The following COL14A1 variants were observed in gnomAD, a reference collection of about 807,000 sequenced individuals.
COL14A1 encodes collagen alpha-1(XIV) chain.
COL14A1 carries 136 observed loss-of-function variants against 230.3 expected under a neutral mutation model. That is an observed-to-expected ratio of 0.59 (90% confidence interval 0.51 to 0.68). The LOEUF is 0.68. Among genes scored for constraint, COL14A1 ranks in the 30% least tolerant of loss-of-function variants. COL14A1 has a pLI of 0.00. For missense variants in COL14A1, 1,976 were observed against 2,215.8 expected (o/e 0.89, Z 2.17); for synonymous variants, 792 against 784.1 (o/e 1.01, Z -0.17).
At chr8:120,166,686 A>G (rs957564189) in intron 4 of COL14A1, among the ~76,000 whole-genome samples, 1 of 152,204 alleles carries the variant, frequency 6.6e-6, no homozygotes, top group Non-Finnish European at 1.5e-5. Flanking sequence ...CTATGAAAAG[A>G]TGAGAATTTT....
intron 36 of COL14A1, among the ~76,000 whole-genome samples, chr8:120,309,511 G>A (rs1009718957): frequency 6.6e-6 from 1 of 151,984 alleles, no homozygotes; most frequent in Non-Finnish European, 1.5e-5. Context: ...TAGATAATAT[G>A]GCAAAAGTTT....
intron 37 of COL14A1, 53 bp from the exon 38 acceptor site, chr8:120,313,879 A>G: frequency 9.6e-7 from 1 of 1,039,282 alleles, no homozygotes; most frequent in Non-Finnish European, 1.4e-6. Context: ...TATTTTCTAG[A>G]TGTCAGAGAG....
At chr8:120,257,342 C>T (rs1407593285) in intron 23 of COL14A1, among the ~76,000 whole-genome samples, 2 of 152,108 alleles carry the variant, frequency 1.3e-5, no homozygotes, top group Non-Finnish European at 2.9e-5. Context: ...GATTTGTGAA[C>T]AAAATTAGCC....
intron 1 of COL14A1, among the ~76,000 whole-genome samples, chr8:120,134,741 G>A (rs185962119): frequency 1.3e-4 from 20 of 152,234 alleles, no homozygotes; most frequent in African/African-American, 3.6e-4. Flanking sequence ...TTGGGAGGCC[G>A]AGGAAGTCAG....
intron 5 of COL14A1, among the ~76,000 whole-genome samples, chr8:120,183,760 C>G (rs549672287): frequency 2.0e-5 from 3 of 152,282 alleles, no homozygotes; most frequent in African/African-American, 7.2e-5. Flanking sequence ...GTTATTCATC[C>G]CAGGTCGAAT....
At chr8:120,139,662 C>G (rs1814834150) in intron 1 of COL14A1, among the ~76,000 whole-genome samples, 1 of 152,082 alleles carries the variant, frequency 6.6e-6, no homozygotes, top group Non-Finnish European at 1.5e-5. Context: ...TGCGATCATG[C>G]TACCAATTAG....
intron 5 of COL14A1, among the ~76,000 whole-genome samples, chr8:120,196,155 A>C (rs1817031575): frequency 6.6e-6 from 1 of 152,170 alleles, no homozygotes; most frequent in Non-Finnish European, 1.5e-5. Flanking sequence ...TATTTACATG[A>C]TCTTTAGGAG....
intron 45 of COL14A1, among the ~76,000 whole-genome samples, chr8:120,357,258 T>G (rs1230215744): frequency 1.3e-5 from 2 of 152,198 alleles, no homozygotes; most frequent in African/African-American, 4.8e-5. Context: ...CTGGTGCATC[T>G]GTTTCCAAGA....
In COL14A1 at chr8:120,191,712, T is replaced by C. The variant is rs1816832269; in HGVS notation, c.437-5079T>C. 2.0e-5 allele frequency among the ~76,000 whole-genome samples: 3 copies of C among 150,456 alleles called. No individual in the cohort carries two copies. In the South Asian group the frequency reaches 6.3e-4, roughly 32 times the overall value. ...TTTGTAGGTCACTCAGGACTTGCTT[T>C]ATGAATCTGGGTGCTCCTGTATTGG... On this transcript the variant is annotated intron_variant, in intron 5 of 47. Transcript: ENST00000297848.
At position 120,228,579 on chromosome 8, in the gene COL14A1, T is replaced by C. The variant is rs1197629081; in HGVS notation, c.2138-131T>C. On this transcript the variant is annotated intron_variant, in intron 17 of 47. Transcript: ENST00000297848. ...CTTACAATTCATTTCTTTCGTCTTCTAACCATTGTCATGTTTGTTGTGGGA... is the reference window on the plus strand; with the variant it reads ...CTTACAATTCATTTCTTTCGTCTTCCAACCATTGTCATGTTTGTTGTGGGA... The C allele has an allele frequency of 3.4e-5, 23 of 671,136 alleles. No individual in the cohort carries two copies. The East Asian group carries it at 5.8e-4, about 17-fold the overall frequency. The allele number at this position is 671,136 out of a possible 1,614,324, so 41.6% of individuals were successfully genotyped here.
At chr8:120,141,571 A>G (rs2130433770) in intron 1 of COL14A1, among the ~76,000 whole-genome samples, 1 of 152,248 alleles carries the variant, frequency 6.6e-6, no homozygotes, top group Non-Finnish European at 1.5e-5. Flanking sequence ...AAGAAAAGAA[A>G]AAAAGGGTTT....
intron 2 of COL14A1, among the ~76,000 whole-genome samples, chr8:120,152,120 C>A (rs1815302943): frequency 6.6e-6 from 1 of 151,968 alleles, no homozygotes. Flanking sequence ...TTGTTTTAAG[C>A]CACTAAGATT....
intron 5 of COL14A1, among the ~76,000 whole-genome samples, chr8:120,189,545 A>G (rs948237588): frequency 3.3e-5 from 5 of 151,850 alleles, no homozygotes; most frequent in African/African-American, 1.2e-4. Context: ...CAGGTTAGTT[A>G]CATATGTATA....
chr8:120,218,210 T>TA (rs1817823362), intron 14 of COL14A1, among the ~76,000 whole-genome samples: 1 of 136,024 alleles, frequency 7.4e-6, no homozygotes, highest in African/African-American at 2.8e-5. Flanking sequence ...TATAAATATA[T>TA]AATATATAAA....
intron 34 of COL14A1, among the ~76,000 whole-genome samples, chr8:120,291,900 G>A (rs1354269241): frequency 2.0e-5 from 3 of 152,024 alleles, no homozygotes; most frequent in African/African-American, 7.2e-5. Context: ...CCGCGTCATT[G>A]TCTTTGTTTA....
chr8:120,337,401 T>TAAAAAAAAAAAAAAAAAA (rs60418574), intron 42 of COL14A1, among the ~76,000 whole-genome samples: 1 of 129,460 alleles, frequency 7.7e-6, no homozygotes, highest in Non-Finnish European at 1.6e-5. Context: ...GTCTCAAAAT[T>TAAAAAAAAAAAAAAAAAA]AAAAAAAAAA....
At chr8:120,198,031 TA>T (rs1817101738) in intron 7 of COL14A1, 101 bp downstream of exon 7, 13 of 1,181,930 alleles carry the variant, frequency 1.1e-5, no homozygotes, top group Non-Finnish European at 1.6e-5. Context: ...ATGTTTTAAT[TA>T]AACTAGCACT....
intron 10 of COL14A1, among the ~76,000 whole-genome samples, chr8:120,207,573 G>A (rs1009381276): frequency 1.3e-5 from 2 of 152,258 alleles, no homozygotes; most frequent in Non-Finnish European, 2.9e-5. Flanking sequence ...TAATAAAGCC[G>A]CTATGGCTGG....
At chr8:120,291,794 G>A (rs542765242) in intron 34 of COL14A1, among the ~76,000 whole-genome samples, 52 of 152,028 alleles carry the variant, frequency 3.4e-4, no homozygotes, top group Admixed American at 1.1e-3. Context: ...TAGACTTCTA[G>A]CACTTGATTA....
Sources: allele counts gnomAD v4.1 joint callset (sites outside exome capture counted in the v4.1 genomes callset), GRCh38; gene constraint gnomAD v4.1.1; transcripts MANE v1.5; gene names NCBI Gene and HGNC (gene_info 2026-07-23, HGNC 2026-07-21).